Variants in KCTD16 observed in about 807,000 individuals in gnomAD.
KCTD16 encodes the protein potassium channel tetramerization domain containing 16, also known as BTB/POZ domain-containing protein KCTD16.
Under a neutral mutation model 33.2 loss-of-function variants are expected in KCTD16, and 13 were observed. That is an observed-to-expected ratio of 0.39 (90% confidence interval 0.25 to 0.62). The LOEUF is 0.62. Ranked by LOEUF, KCTD16 falls within the 20% of genes least tolerant of loss-of-function variation. The probability of loss-of-function intolerance (pLI) is 0.50; values close to 1 mark genes in which losing one functional copy is unlikely to be tolerated. For missense variants in KCTD16, 441 were observed against 525.1 expected, an observed-to-expected ratio of 0.84 and a Z score of 1.57; for synonymous variants, 197 against 195.3, an observed-to-expected ratio of 1.01 and a Z score of -0.07.
intron 3 of KCTD16, chr5:144,439,471 G>T: frequency 3.8e-6 from 1 of 260,496 alleles, no homozygotes; most frequent in Non-Finnish European, 7.5e-6. Context: ...AAGCCAGATG[G>T]TAAATGAAGT....
intron 3 of KCTD16, among the ~76,000 whole-genome samples, chr5:144,413,432 T>C (rs1439571105): frequency 6.6e-6 from 1 of 152,238 alleles, no homozygotes; most frequent in Non-Finnish European, 1.5e-5. Flanking sequence ...TATACAAGAT[T>C]TTTTAATCCA....
At chr5:144,345,706 T>G (rs1404678882) in intron 3 of KCTD16, among the ~76,000 whole-genome samples, 1 of 151,998 alleles carries the variant, frequency 6.6e-6, no homozygotes, top group South Asian at 2.1e-4. Flanking sequence ...TAAAAAAAAA[T>G]TAGATTTTAT....
At chr5:144,390,685 AC>A (rs1561590122) in intron 3 of KCTD16, among the ~76,000 whole-genome samples, 2 of 150,300 alleles carry the variant, frequency 1.3e-5, no homozygotes. Context: ...CTTGCCCCCT[AC>A]CCCCGACGGG....
chr5:144,204,071 G>A (rs560517390), intron 2 of KCTD16, among the ~76,000 whole-genome samples: 2 of 152,266 alleles, frequency 1.3e-5, no homozygotes, highest in East Asian at 3.9e-4. Context: ...GTTAGCTAAC[G>A]CTCTGAATAT....
intron 2 of KCTD16, among the ~76,000 whole-genome samples, chr5:144,190,651 TA>T (rs1580776729): frequency 2.0e-5 from 3 of 152,326 alleles, no homozygotes; most frequent in Non-Finnish European, 4.4e-5. Flanking sequence ...ACTTTTCCCC[TA>T]CCTCTTTCCT....
At chr5:144,386,684 G>A (rs777629461) in intron 3 of KCTD16, among the ~76,000 whole-genome samples, 2 of 152,078 alleles carry the variant, frequency 1.3e-5, no homozygotes, top group Non-Finnish European at 2.9e-5. Context: ...TATAAGAGAC[G>A]CTTAGTTAAT....
chr5:144,321,567 A>T (rs113556683), intron 3 of KCTD16, among the ~76,000 whole-genome samples: 5,960 of 152,248 alleles, frequency 0.039, 148 homozygotes, highest in South Asian at 0.063. Flanking sequence ...CAATGTTTTA[A>T]TTCACTTGAC....
chr5:144,462,575 AAAAAAAAC>A (rs1754223919), intron 3 of KCTD16, among the ~76,000 whole-genome samples: 1 of 151,730 alleles, frequency 6.6e-6, no homozygotes. Context: ...TCTTAAAAAA[AAAAAAAAC>A]AAAAAACTCT....
At chr5:144,225,598 C>T (rs12518402) in intron 3 of KCTD16, among the ~76,000 whole-genome samples, 20 of 108,954 alleles carry the variant, frequency 1.8e-4, no homozygotes, top group Admixed American at 7.1e-4. Flanking sequence ...GTGTGTGTGT[C>T]TTTAAAACTA....
chr5:144,462,181 T>C (rs935938402), intron 3 of KCTD16, among the ~76,000 whole-genome samples: 1 of 152,150 alleles, frequency 6.6e-6, no homozygotes, highest in Non-Finnish European at 1.5e-5. Context: ...GCTCTCTTAA[T>C]CATTATTATG....
chr5:144,222,991 A>G (rs1040339259), intron 3 of KCTD16, among the ~76,000 whole-genome samples: 19 of 152,212 alleles, frequency 1.2e-4, no homozygotes, highest in Admixed American at 6.5e-5. Context: ...TGTCTTTTGT[A>G]GGGACATGGA....
intron 3 of KCTD16, among the ~76,000 whole-genome samples, chr5:144,341,150 G>A (rs573637962): frequency 2.6e-5 from 4 of 152,092 alleles, no homozygotes; most frequent in Non-Finnish European, 5.9e-5. Context: ...TATAATTTTT[G>A]TTGTTTAGCC....
At chr5:144,370,975 T>C (rs1751953269) in intron 3 of KCTD16, among the ~76,000 whole-genome samples, 1 of 152,060 alleles carries the variant, frequency 6.6e-6, no homozygotes, top group South Asian at 2.1e-4. Flanking sequence ...CAACCTATAA[T>C]AAAAATGAGA....
intron 3 of KCTD16, among the ~76,000 whole-genome samples, chr5:144,365,434 GAGAA>G (rs1260839097): frequency 1.3e-5 from 2 of 151,928 alleles, no homozygotes; most frequent in Non-Finnish European, 1.5e-5. Context: ...AAAAGAGAGA[GAGAA>G]AGAGAGAGAG....
chr5:144,255,513 A>G (rs935724420), intron 3 of KCTD16, among the ~76,000 whole-genome samples: 2 of 152,170 alleles, frequency 1.3e-5, no homozygotes, highest in African/African-American at 4.8e-5. Flanking sequence ...TCTTTTAATG[A>G]TATGCATCCT....
At chr5:144,289,545 C>G (rs2126861047) in intron 3 of KCTD16, among the ~76,000 whole-genome samples, 1 of 152,310 alleles carries the variant, frequency 6.6e-6, no homozygotes, top group East Asian at 1.9e-4. Context: ...CATGCTCGTA[C>G]TTTCCTCCGC....
At chr5:144,470,540 C>T (rs181635258) in intron 3 of KCTD16, among the ~76,000 whole-genome samples, 3 of 152,224 alleles carry the variant, frequency 2.0e-5, no homozygotes, top group Admixed American at 2.0e-4. Flanking sequence ...AATACATAGA[C>T]TTCAGAAGCC....
intron 3 of KCTD16, among the ~76,000 whole-genome samples, chr5:144,419,880 G>A (rs998022685): frequency 2.0e-5 from 3 of 151,944 alleles, no homozygotes; most frequent in Non-Finnish European, 4.4e-5. Context: ...AATTATGACC[G>A]CAGAACTAGC....
chr5:144,465,473 CTG>C (rs1319608391), intron 3 of KCTD16, among the ~76,000 whole-genome samples: 1 of 152,090 alleles, frequency 6.6e-6, no homozygotes, highest in Non-Finnish European at 1.5e-5. Context: ...TTTCTCCAGG[CTG>C]TGTTTCCTCA....
Sources: gnomAD v4.1 joint callset for allele counts (sites outside exome capture counted in the v4.1 genomes callset) on GRCh38, gnomAD v4.1.1 for gene constraint, MANE v1.5 for transcripts, NCBI Gene and HGNC (gene_info 2026-07-23, HGNC 2026-07-21) for gene names.